Variants in GOLGA4 observed in about 807,000 individuals in gnomAD.
GOLGA4 encodes golgin subfamily A member 4.
In GOLGA4, 169 loss-of-function variants were observed where a neutral mutation model predicts 265.9. That is an observed-to-expected ratio of 0.64 (90% confidence interval 0.56 to 0.72). The LOEUF (loss-of-function observed/expected upper bound fraction) is 0.72. GOLGA4 is among the 30% of genes least tolerant of loss of function. The probability of loss-of-function intolerance (pLI) is 0.00; values close to 1 mark genes in which losing one functional copy is unlikely to be tolerated. For missense variants in GOLGA4, 2,482 were observed against 2,483.4 expected, an observed-to-expected ratio of 1.00 and a Z score of 0.01; for synonymous variants, 923 against 855.8, an observed-to-expected ratio of 1.08 and a Z score of -1.37.
chr3:37,349,458 C>T (rs1478646539), intron 21 of GOLGA4, among the ~76,000 whole-genome samples: 3 of 152,086 alleles, frequency 2.0e-5, no homozygotes, highest in African/African-American at 7.2e-5. Flanking sequence ...GTAGCCCAGA[C>T]AGGTTTCAGG....
Position 37,325,225 on chromosome 3 carries a change from A to G in GOLGA4, c.3339A>G (p.Glu1113=). ...KQDTTLNELQ[E]QLKQKSAHVN... ...ATACAACATTAAATGAATTACAGGA[A>G]CAGTTAAAGCAGAAGTCTGCCCATG... The change falls in exon 14 of 24, where the codon GAA becomes GAG. Residue 1113 remains glutamate (E), a synonymous_variant. Transcript: ENST00000361924. 2 of 1,612,578 alleles carry G rather than the reference A, an allele frequency of 1.2e-6. No homozygotes were observed. Among genetic ancestry groups the G allele is most frequent in the Non-Finnish European group, 1.7e-6 (2 of 1,178,924 alleles).
intron 9 of GOLGA4, among the ~76,000 whole-genome samples, chr3:37,301,906 A>G (rs1167573800): frequency 6.6e-6 from 1 of 152,096 alleles, no homozygotes; most frequent in African/African-American, 2.4e-5. Flanking sequence ...CTCCTGCCTC[A>G]GCCTCCTGAG....
intron 19 of GOLGA4, among the ~76,000 whole-genome samples, chr3:37,337,968 T>C (rs986357925): frequency 1.3e-5 from 2 of 152,182 alleles, no homozygotes; most frequent in African/African-American, 2.4e-5. Context: ...TTATAACAAT[T>C]TGTGATCGTA....
chr3:37,293,276 C>T (rs2096869609), intron 5 of GOLGA4, among the ~76,000 whole-genome samples: 1 of 152,010 alleles, frequency 6.6e-6, no homozygotes. Flanking sequence ...TTTTAAACTT[C>T]CTTAAAACAT....
At chr3:37,270,821 C>T (rs923459870) in intron 2 of GOLGA4, among the ~76,000 whole-genome samples, 4 of 152,062 alleles carry the variant, frequency 2.6e-5, no homozygotes, top group African/African-American at 9.7e-5. Context: ...GATTCGAGCG[C>T]ATTACATTTA....
chr3:37,335,520 T>A (rs910799451), intron 17 of GOLGA4, among the ~76,000 whole-genome samples: 2 of 152,158 alleles, frequency 1.3e-5, no homozygotes, highest in Non-Finnish European at 2.9e-5. Context: ...ATTGTAAATG[T>A]GATACTTTTA....
At chr3:37,279,658 G>A (rs2096829360) in intron 2 of GOLGA4, among the ~76,000 whole-genome samples, 1 of 152,170 alleles carries the variant, frequency 6.6e-6, no homozygotes, top group Non-Finnish European at 1.5e-5. Flanking sequence ...TGTAATACTG[G>A]CACTTTCGGA....
intron 22 of GOLGA4, among the ~76,000 whole-genome samples, chr3:37,359,591 C>T (rs1244421582): frequency 2.6e-5 from 4 of 151,942 alleles, no homozygotes; most frequent in Non-Finnish European, 5.9e-5. Flanking sequence ...TTTTCAATTG[C>T]TCTTCTGTTG....
intron 2 of GOLGA4, chr3:37,275,977 T>A: frequency 6.2e-7 from 1 of 1,613,394 alleles, no homozygotes; most frequent in Non-Finnish European, 8.5e-7. Flanking sequence ...AACCTGCAAT[T>A]ACATCGCAGA....
At chr3:37,261,182 A>G (rs1560285848) in intron 2 of GOLGA4, among the ~76,000 whole-genome samples, 1 of 152,078 alleles carries the variant, frequency 6.6e-6, no homozygotes, top group Non-Finnish European at 1.5e-5. Flanking sequence ...AAAAAAAAAG[A>G]AAAAAGTCTG....
At chr3:37,337,317 G>A (rs2097017499) in intron 18 of GOLGA4, among the ~76,000 whole-genome samples, 154 bp downstream of exon 18, 1 of 151,486 alleles carries the variant, frequency 6.6e-6, no homozygotes, top group Admixed American at 6.6e-5. Context: ...TCATGCCTTA[G>A]TCTCCCAAAT....
intron 3 of GOLGA4, among the ~76,000 whole-genome samples, chr3:37,284,738 A>C (rs907549702): frequency 1.4e-5 from 2 of 147,820 alleles, no homozygotes; most frequent in Admixed American, 1.4e-4. Context: ...ATCACGGCTC[A>C]CCTTGTAGCC....
At chr3:37,291,191 G>A (rs371232931) in intron 5 of GOLGA4, among the ~76,000 whole-genome samples, 3 of 151,978 alleles carry the variant, frequency 2.0e-5, no homozygotes, top group Non-Finnish European at 2.9e-5. Context: ...TAAAACATTC[G>A]CATTATTTAA....
rs906166767 is a variant in GOLGA4, at chr3:37,324,334, A to T, written c.2448A>T (p.Ala816=). 3.1e-6 allele frequency: 5 copies of T among 1,614,090 alleles called. No individual in the cohort carries two copies. The Admixed American group carries it at 6.7e-5, about 22-fold the overall frequency. The change falls in exon 14 of 24, where the codon GCA becomes GCT. Residue 816 remains alanine (A), a synonymous_variant. Transcript: ENST00000361924. ...GTGCCACACATGAGCAGACAAAAGCATATGAGGAACAGTTGGCCCAATTGC... is the reference window on the plus strand; with the variant it reads ...GTGCCACACATGAGCAGACAAAAGCTTATGAGGAACAGTTGGCCCAATTGC... The part of the protein sequence containing the change: ...YQSATHEQTK[A]YEEQLAQLQQ...
At chr3:37,359,881 T>C (rs1467644577) in intron 22 of GOLGA4, among the ~76,000 whole-genome samples, 1 of 152,162 alleles carries the variant, frequency 6.6e-6, no homozygotes, top group Non-Finnish European at 1.5e-5. Context: ...ACTGACACAT[T>C]ATAGAAAATA....
At chr3:37,321,236 A>T (rs774718394) in intron 12 of GOLGA4, among the ~76,000 whole-genome samples, 1 of 152,220 alleles carries the variant, frequency 6.6e-6, no homozygotes, top group African/African-American at 2.4e-5. Context: ...GGTAGAGCCA[A>T]TGTAGCTTTG....
intron 21 of GOLGA4, among the ~76,000 whole-genome samples, chr3:37,348,994 C>A (rs537338094): frequency 6.6e-6 from 1 of 152,236 alleles, no homozygotes; most frequent in East Asian, 1.9e-4. Context: ...GCACAAGCAG[C>A]CCCATCTAAT....
chr3:37,308,613 A>T (rs1437556324), intron 10 of GOLGA4, among the ~76,000 whole-genome samples: 1 of 81,472 alleles, frequency 1.2e-5, no homozygotes, highest in Admixed American at 1.4e-4. Flanking sequence ...ATTAAAAGTA[A>T]ATATATATAT....
At chr3:37,330,094 A>T (rs2096985059) in intron 16 of GOLGA4, among the ~76,000 whole-genome samples, 1 of 151,850 alleles carries the variant, frequency 6.6e-6, no homozygotes, top group Non-Finnish European at 1.5e-5. Flanking sequence ...ACATTTTCTT[A>T]TACTTCCATA....
Sources: gnomAD v4.1 joint callset for allele counts (sites outside exome capture counted in the v4.1 genomes callset) on GRCh38, gnomAD v4.1.1 for gene constraint, MANE v1.5 for transcripts, NCBI Gene and HGNC (gene_info 2026-07-23, HGNC 2026-07-21) for gene names.